Variants in CRB2 observed in about 807,000 individuals in gnomAD.
CRB2 encodes the protein protein crumbs homolog 2.
CRB2 carries 85 observed loss-of-function variants against 110.9 expected under a neutral mutation model. That is an observed-to-expected ratio of 0.77 (90% CI 0.64 to 0.92). The LOEUF is 0.92. Ranked by LOEUF, CRB2 falls within the 40% of genes least tolerant of loss-of-function variation. The pLI is 0.00. For missense variants in CRB2, 1,843 were observed against 1,851.3 expected (o/e 1.00, Z 0.08); for synonymous variants, 907 against 831.0 (o/e 1.09, Z -1.57).
At position 123,367,376 on chromosome 9, in the gene CRB2, A is replaced by G. The variant is rs1482435230; in HGVS notation, c.940+19A>G. 6.3e-7 allele frequency: 1 copy of G among 1,592,456 alleles called. No individual in the cohort carries two copies. On this transcript the variant is annotated intron_variant, in intron 5 of 12. Coordinates refer to ENST00000373631, the MANE Select transcript of CRB2 (RefSeq NM_173689.7). The stretch of plus-strand genomic sequence containing the variant: ...TTTGAGGGTGAGCCCCTGCTGGGGA[A>G]GCGGTCAGCCCATGTCCAGATGCCC...
Position 123,377,284 on chromosome 9 carries a change from G to A in CRB2, c.*222G>A. The stretch of plus-strand genomic sequence containing the variant: ...CGGACTTCTCCATCCCACCCTCGGG[G>A]TTCCGCCTTGGCAGGTGTACGGCTG... On this transcript the variant is annotated 3_prime_UTR_variant, in exon 13 of 13. Transcript: ENST00000373631. 1.8e-6 allele frequency: 1 copy of A among 559,858 alleles called. No individual in the cohort carries two copies. Among genetic ancestry groups the A allele is most frequent in the Admixed American group, 3.3e-5 (1 of 30,602 alleles). 34.7% of individuals were successfully genotyped at this position (559,858 alleles called of 1,614,324 possible). A position where few individuals can be genotyped will look rare whatever the true frequency, so the allele number is the denominator to read the frequency against.
chr9:123,361,136 G>GC (rs1554781911), intron 1 of CRB2, among the ~76,000 whole-genome samples: 53 of 123,456 alleles, frequency 4.3e-4, no homozygotes, highest in African/African-American at 1.3e-3. Flanking sequence ...GATGGGCGGG[G>GC]AGGGGGGGGG....
upstream of CRB2, among the ~76,000 whole-genome samples, chr9:123,354,849 C>A (rs80260733): frequency 6.6e-6 from 1 of 152,292 alleles, no homozygotes; most frequent in African/African-American, 2.4e-5. Context: ...GCACTTGCCC[C>A]GGGCTAGAGG....
chr9:123,373,813 C>A lies in CRB2; in HGVS notation c.3282C>A (p.His1094Gln). ...PGWEGPRCEA[H>Q]VDPCHSAPCA... Reference sequence around the variant, plus strand: ...GGGAAGGCCCGCGCTGCGAAGCCCACGTCGACCCCTGTCACTCCGCCCCCT... The same window carrying A: ...GGGAAGGCCCGCGCTGCGAAGCCCAAGTCGACCCCTGTCACTCCGCCCCCT... The change falls in exon 10 of 13, where the codon CAC becomes CAA. Residue 1094 changes from histidine to glutamine, a missense_variant. His to Gln is a conservative substitution (Grantham distance 24, BLOSUM62 0). Transcript: ENST00000373631. 6.3e-7 allele frequency: 1 copy of A among 1,586,614 alleles called. No homozygotes were observed. Among genetic ancestry groups the A allele is most frequent in the Non-Finnish European group, 8.5e-7 (1 of 1,174,118 alleles).
chr9:123,364,561 G>T (rs984622971), intron 2 of CRB2, among the ~76,000 whole-genome samples: 1 of 142,844 alleles, frequency 7.0e-6, no homozygotes, highest in African/African-American at 2.5e-5. Context: ...TGGGAGTGGG[G>T]ATGGGGAGGG....
At chr9:123,361,731 A>T (rs566321029) in intron 1 of CRB2, among the ~76,000 whole-genome samples, 3 of 152,192 alleles carry the variant, frequency 2.0e-5, no homozygotes, top group Non-Finnish European at 2.9e-5. Context: ...TCAGCATTTG[A>T]TGAGGGGATT....
Position 123,373,938 on chromosome 9 carries a change from G to T in CRB2, c.3389+18G>T, listed in dbSNP as rs1484166243. The stretch of plus-strand genomic sequence containing the variant: ...CGCTGCAGGTGGGATGGCTGGGCAG[G>T]GGGGTGGGCTGCGAATGCCCCCTGG... On this transcript the variant is annotated intron_variant, in intron 10 of 12. Transcript: ENST00000373631. 16 of 1,549,960 alleles carry T rather than the reference G, an allele frequency of 1.0e-5. No homozygotes were observed. In the South Asian group the frequency reaches 1.1e-4, roughly 10 times the overall value.
chr9:123,356,531 GGTGA>G (rs2041801152), intron 1 of CRB2, among the ~76,000 whole-genome samples, 177 bp downstream of exon 1: 1 of 151,482 alleles, frequency 6.6e-6, no homozygotes, highest in African/African-American at 2.4e-5. Context: ...GCTCCACGGA[GGTGA>G]GTGTGTTCTG....
chr9:123,370,587 C>T lies in CRB2; in HGVS notation c.1534C>T (p.Leu512=). ...TTVLVLRLPD[L]ALNDGHWHQV... ...TGTGCTTGTCCTGAGACTGCCGGACCTGGCCCTAAACGATGGCCATTGGCA... is the reference window on the plus strand; with the variant it reads ...TGTGCTTGTCCTGAGACTGCCGGACTTGGCCCTAAACGATGGCCATTGGCA... The change falls in exon 7 of 13, where the codon CTG becomes TTG. Residue 512 remains leucine, a synonymous_variant. Coordinates refer to ENST00000373631, the MANE Select transcript of CRB2 (RefSeq NM_173689.7). 6.2e-7 allele frequency: 1 copy of T among 1,613,222 alleles called. No individual in the cohort carries two copies. Among genetic ancestry groups the T allele is most frequent in the Non-Finnish European group, 8.5e-7 (1 of 1,180,024 alleles).
Position 123,362,919 on chromosome 9 carries a change from G to C in CRB2, c.149G>C (p.Gly50Ala). ...SACASDPCAP[G>A]TECQATESGG... Reference sequence around the variant, plus strand: ...TGTGCCTCAGACCCGTGCGCTCCAGGGACCGAGTGCCAGGCTACCGAGAGT... The same window carrying C: ...TGTGCCTCAGACCCGTGCGCTCCAGCGACCGAGTGCCAGGCTACCGAGAGT... Residue 50 changes from glycine (G) to alanine (A), a missense_variant, in exon 2 of 13, where the codon GGG becomes GCG. Gly to Ala is a moderately conservative substitution (Grantham distance 60). Coordinates refer to ENST00000373631, the MANE Select transcript of CRB2 (RefSeq NM_173689.7). The C allele has an allele frequency of 1.9e-6, 3 of 1,600,794 alleles. No homozygotes were observed. Among genetic ancestry groups the C allele is most frequent in the Non-Finnish European group, 2.6e-6 (3 of 1,169,670 alleles).
intron 1 of CRB2, among the ~76,000 whole-genome samples, chr9:123,361,132 C>CGGGGGG (rs201939429): frequency 1.2e-4 from 8 of 65,984 alleles, no homozygotes; most frequent in African/African-American, 3.5e-4. Flanking sequence ...ATTGGATGGG[C>CGGGGGG]GGGGAGGGGG....
intron 2 of CRB2, among the ~76,000 whole-genome samples, chr9:123,364,176 T>A (rs1588207151): frequency 6.6e-6 from 1 of 152,314 alleles, no homozygotes; most frequent in East Asian, 1.9e-4. Context: ...TGTCTCAGCG[T>A]CTGGGTGTAT....
Position 123,365,943 on chromosome 9 carries a change from G to T in CRB2, c.445G>T (p.Glu149Ter), listed in dbSNP as rs1171534921. 3.8e-6 allele frequency: 6 copies of T among 1,596,498 alleles called. No individual in the cohort carries two copies. The East Asian group carries it at 1.1e-4, about 30-fold the overall frequency. ...AGVTCEMEVDECASAPCLHGG... is the reference protein window; with the variant it reads ...AGVTCEMEVD ...CGTGACCTGCGAGATGGAGGTGGAC[G>T]AGTGCGCCTCAGCGCCCTGCCTGCA... is the stretch of plus-strand genomic sequence containing the variant. Residue 149 changes from glutamate to a stop codon, truncating the protein, a stop_gained, in exon 3 of 13, where the codon GAG becomes TAG. Transcript: ENST00000373631. LOFTEE classifies it high-confidence loss of function.
intron 1 of CRB2, among the ~76,000 whole-genome samples, chr9:123,357,098 G>T (rs946212985): frequency 2.6e-5 from 4 of 152,080 alleles, no homozygotes; most frequent in Non-Finnish European, 5.9e-5. Context: ...GTCCCTGTGG[G>T]GTGGCTGGGG....
intron 5 of CRB2, 96 bp downstream of exon 5, chr9:123,367,453 ACCCC>A: frequency 2.1e-6 from 1 of 471,308 alleles, no homozygotes; most frequent in Non-Finnish European, 2.8e-6. Context: ...CCCACCCCAC[ACCCC>A]ACACCCGAGT....
intron 1 of CRB2, 28 bp from the exon 2 acceptor site, chr9:123,362,837 C>G: frequency 6.5e-7 from 1 of 1,547,580 alleles, no homozygotes; most frequent in Non-Finnish European, 8.8e-7. Context: ...TCTGCCCACC[C>G]TGCCCAGCCA....
At chr9:123,355,061 T>G (rs997896443), upstream of CRB2, among the ~76,000 whole-genome samples, 2 of 152,118 alleles carry the variant, frequency 1.3e-5, no homozygotes, top group African/African-American at 4.8e-5. Context: ...CAAACAGGCA[T>G]GTATTGGCAG....
intron 2 of CRB2, among the ~76,000 whole-genome samples, chr9:123,365,113 ATT>A: frequency 6.6e-6 from 1 of 152,040 alleles, no homozygotes; most frequent in Non-Finnish European, 1.5e-5. Flanking sequence ...AAATACAAAA[ATT>A]AGCCGGGTGA....
chr9:123,360,348 T>C (rs938962475), intron 1 of CRB2, among the ~76,000 whole-genome samples: 1 of 151,870 alleles, frequency 6.6e-6, no homozygotes, highest in Admixed American at 6.6e-5. Flanking sequence ...TCAGGAGGGA[T>C]TTGTAAAGAT....
Sources: gnomAD v4.1 joint callset for allele counts (sites outside exome capture counted in the v4.1 genomes callset) on GRCh38, gnomAD v4.1.1 for gene constraint, MANE v1.5 for transcripts, NCBI Gene and HGNC (gene_info 2026-07-23, HGNC 2026-07-21) for gene names.